Variants in EXO1 observed in about 807,000 individuals in gnomAD.
EXO1 encodes the protein exonuclease 1.
EXO1 carries 69 observed loss-of-function variants against 84.5 expected under a neutral mutation model. The ratio of observed to expected loss-of-function variants is 0.82; its 90% CI spans 0.67 to 1.00. The LOEUF is 1.00. Ranked by LOEUF, EXO1 falls within the 50% of genes least tolerant of loss-of-function variation. The probability of loss-of-function intolerance (pLI) is 0.00; values close to 1 mark genes in which losing one functional copy is unlikely to be tolerated. For missense variants in EXO1, 1,045 were observed against 1,000.7 expected (o/e 1.04, Z -0.60); for synonymous variants, 373 against 366.1 (o/e 1.02, Z -0.21).
chr1:241,871,524 T>G (rs938896450), intron 11 of EXO1, among the ~76,000 whole-genome samples: 3 of 152,212 alleles, frequency 2.0e-5, no homozygotes, highest in African/African-American at 7.2e-5. Context: ...TTGGGCCTCA[T>G]AGTGAAGTAA....
intron 11 of EXO1, among the ~76,000 whole-genome samples, chr1:241,871,220 T>G (rs970224453): frequency 2.6e-5 from 4 of 152,224 alleles, no homozygotes; most frequent in Non-Finnish European, 5.9e-5. Flanking sequence ...GATCAACATC[T>G]AATTTGCTGA....
At chr1:241,859,880 C>T (rs1661275972) in intron 8 of EXO1, among the ~76,000 whole-genome samples, 1 of 152,152 alleles carries the variant, frequency 6.6e-6, no homozygotes, top group Admixed American at 6.5e-5. Flanking sequence ...TTTCATTTTT[C>T]TATTTCCAGG....
At position 241,853,501 on chromosome 1, in the gene EXO1, G is replaced by A; in HGVS notation, c.405+20G>A. 9.3e-6 allele frequency: 15 copies of A among 1,613,694 alleles called. No individual in the cohort carries two copies. Among genetic ancestry groups the A allele is most frequent in the African/African-American group, 1.3e-5 (1 of 74,942 alleles). On this transcript the variant is annotated intron_variant, in intron 6 of 15. Transcript: ENST00000366548. ...ATTAAAGTAAGACAAAGGGGCAGATGGGCAAGTTCACCAAAGCTAGTTACA... is the reference window on the plus strand; with the variant it reads ...ATTAAAGTAAGACAAAGGGGCAGATAGGCAAGTTCACCAAAGCTAGTTACA...
At chr1:241,884,029 C>T (rs1483218199) in intron 14 of EXO1, among the ~76,000 whole-genome samples, 6 of 152,052 alleles carry the variant, frequency 3.9e-5, no homozygotes, top group East Asian at 1.9e-4. Flanking sequence ...AAATCAAACT[C>T]GTGTCTTTTA....
At chr1:241,885,683 C>T (rs529225184) in intron 15 of EXO1, 176 bp downstream of exon 15, 4 of 627,260 alleles carry the variant, frequency 6.4e-6, no homozygotes, top group South Asian at 3.2e-5. Context: ...AATTTCTATA[C>T]CTTCTTTTCA....
rs375554534 is a variant in EXO1, at chr1:241,878,789, A to G, written c.1555A>G (p.Lys519Glu). Residue 519 changes from lysine to glutamate, a missense_variant, in exon 13 of 16, where the codon AAA becomes GAA. By Grantham distance (56) the Lys-to-Glu change is moderately conservative (BLOSUM62 1). Coordinates refer to ENST00000366548, the MANE Select transcript of EXO1 (RefSeq NM_130398.4). ...SSDSTDCVSN[K>E]VSIQPLDETA... is the part of the protein sequence containing the mutation. Reference sequence around the variant, plus strand: ...AGATTCTACTGACTGTGTATCAAACAAAGTGAGCATCCAGCCTCTGGATGA... The same window carrying G: ...AGATTCTACTGACTGTGTATCAAACGAAGTGAGCATCCAGCCTCTGGATGA... The G allele has an allele frequency of 6.2e-7, 1 of 1,613,882 alleles. No individual in the cohort carries two copies. The highest frequency in any genetic ancestry group is 8.5e-7 in the Non-Finnish European group (1 of 1,179,962).
intron 12 of EXO1, among the ~76,000 whole-genome samples, chr1:241,876,863 C>T (rs1345271509): frequency 6.6e-6 from 1 of 152,070 alleles, no homozygotes; most frequent in South Asian, 2.1e-4. Context: ...TGAATTCTCA[C>T]TCTGTCATCT....
At chr1:241,864,808 A>G (rs1463641464) in intron 10 of EXO1, among the ~76,000 whole-genome samples, 1 of 151,860 alleles carries the variant, frequency 6.6e-6, no homozygotes, top group Non-Finnish European at 1.5e-5. Context: ...ATGATTATGG[A>G]AAGAAGGAGA....
intron 15 of EXO1, among the ~76,000 whole-genome samples, chr1:241,888,085 A>G (rs1663166424): frequency 6.6e-6 from 1 of 152,180 alleles, no homozygotes; most frequent in African/African-American, 2.4e-5. Flanking sequence ...AAAGTATACC[A>G]AAGAATTAGC....
At chr1:241,872,736 T>G (rs946196717) in intron 12 of EXO1, among the ~76,000 whole-genome samples, 2 of 152,230 alleles carry the variant, frequency 1.3e-5, no homozygotes, top group African/African-American at 4.8e-5. Context: ...TGCCACATTT[T>G]CTATACCCAG....
rs10641736 is a variant in EXO1, at chr1:241,850,836, C to CTTTTTTTTT, written c.161+265_161+273dup. Among the ~76,000 whole-genome samples the CTTTTTTTTT allele has an allele frequency of 4.0e-3, 414 of 104,756 alleles. 2 individuals carry two copies. Among genetic ancestry groups the CTTTTTTTTT allele is most frequent in the East Asian group, 9.6e-3 (30 of 3,126 alleles). The allele number at this position is 104,756 out of a possible 152,430, so 68.7% of individuals were successfully genotyped here. On this transcript the variant is annotated intron_variant, in intron 4 of 15. Transcript: ENST00000366548. Reference sequence around the variant, plus strand: ...AAAGACTATTAATATCTCCTTTATTCTTTTTTTTTTTTTTTTTTTTTTTAG... The same window carrying CTTTTTTTTT: ...AAAGACTATTAATATCTCCTTTATTCTTTTTTTTTTTTTTTTTTTTTTTTTTTTTTTTAG...
At chr1:241,867,177 G>C in intron 11 of EXO1, 122 bp downstream of exon 11, 3 of 771,240 alleles carry the variant, frequency 3.9e-6, no homozygotes, top group Admixed American at 2.0e-5. Context: ...AGTTGTATTA[G>C]TCCATTTTCA....
intron 9 of EXO1, 66 bp downstream of exon 9, chr1:241,860,770 T>A: frequency 7.7e-7 from 1 of 1,296,230 alleles, no homozygotes; most frequent in Non-Finnish European, 1.1e-6. Flanking sequence ...TGGTGATTTT[T>A]TTGTGAGGCA....
intron 11 of EXO1, among the ~76,000 whole-genome samples, chr1:241,868,929 A>G (rs554922825): frequency 2.0e-5 from 3 of 152,322 alleles, no homozygotes; most frequent in East Asian, 1.9e-4. Context: ...ATTTTTGTAC[A>G]TTAATCATAT....
In EXO1 at chr1:241,869,921, C is replaced by A. The variant is rs557013406; in HGVS notation, c.1268-2111C>A. Reference sequence around the variant, plus strand: ...CTCCATCTCCTGGGTTTGAGGAATTCTCTGCCTCAGCCTCCCGAGTAGCTG... The same window carrying A: ...CTCCATCTCCTGGGTTTGAGGAATTATCTGCCTCAGCCTCCCGAGTAGCTG... On this transcript the variant is annotated intron_variant, in intron 11 of 15. Coordinates refer to ENST00000366548, the MANE Select transcript of EXO1 (RefSeq NM_130398.4). Among the ~76,000 whole-genome samples, 4 of 152,056 alleles carry A rather than the reference C, an allele frequency of 2.6e-5. No homozygotes were observed. In the South Asian group the frequency reaches 6.2e-4, roughly 24 times the overall value.
chr1:241,876,334 C>T (rs1196322666), intron 12 of EXO1, among the ~76,000 whole-genome samples: 1 of 152,200 alleles, frequency 6.6e-6, no homozygotes, highest in Non-Finnish European at 1.5e-5. Flanking sequence ...ATAATCTCAG[C>T]ACTCTGGGAG....
chr1:241,862,383 T>C (rs896132194), intron 10 of EXO1, among the ~76,000 whole-genome samples: 2 of 152,240 alleles, frequency 1.3e-5, no homozygotes, highest in African/African-American at 2.4e-5. Flanking sequence ...TCCTTAGGGC[T>C]TTAATCCCAT....
chr1:241,885,322 GCTATATAAGTCCAGTT>G lies in EXO1; in HGVS notation c.2223_2238del (p.Tyr742GlnfsTer12), dbSNP rs1465220944. The stretch of plus-strand genomic sequence containing the variant: ...GGGTGTTTAATCTTCAGGTTCCTGG[GCTATATAAGTCCAGTT>G]CTGCAGACTCTCTTTCTACAACCAA... On this transcript the variant is annotated frameshift_variant, in exon 15 of 16. Coordinates refer to ENST00000366548, the MANE Select transcript of EXO1 (RefSeq NM_130398.4). LOFTEE classifies it high-confidence loss of function. 1 of 1,612,968 alleles carries G rather than the reference GCTATATAAGTCCAGTT, an allele frequency of 6.2e-7. No individual in the cohort carries two copies. Among genetic ancestry groups the G allele is most frequent in the Non-Finnish European group, 8.5e-7 (1 of 1,179,278 alleles).
intron 15 of EXO1, among the ~76,000 whole-genome samples, chr1:241,888,080 A>G (rs1016789458): frequency 3.9e-5 from 6 of 152,184 alleles, no homozygotes; most frequent in Non-Finnish European, 8.8e-5. Context: ...ATTAAAAAGT[A>G]TACCAAAGAA....
Sources: gnomAD v4.1 joint callset for allele counts (sites outside exome capture counted in the v4.1 genomes callset) on GRCh38, gnomAD v4.1.1 for gene constraint, MANE v1.5 for transcripts, NCBI Gene and HGNC (gene_info 2026-07-23, HGNC 2026-07-21) for gene names.